Variants in PTPRQ observed in about 807,000 individuals in gnomAD.
PTPRQ encodes protein tyrosine phosphatase receptor type Q.
Under a neutral mutation model 246.0 loss-of-function variants are expected in PTPRQ, and 199 were observed. The observed-to-expected ratio is 0.81, with a 90% confidence interval of 0.72 to 0.91. The LOEUF (loss-of-function observed/expected upper bound fraction) is 0.91. Among genes scored for constraint, PTPRQ ranks in the 40% least tolerant of loss-of-function variants. The probability of loss-of-function intolerance (pLI) is 0.00; values close to 1 mark genes in which losing one functional copy is unlikely to be tolerated. For synonymous variants in PTPRQ, 869 were observed against 853.2 expected (o/e 1.02, Z -0.32); for missense variants, 2,624 against 2,528.4 (o/e 1.04, Z -0.81).
intron 39 of PTPRQ, among the ~76,000 whole-genome samples, chr12:80,659,359 C>T (rs1288895601): frequency 6.6e-6 from 1 of 151,912 alleles, no homozygotes; most frequent in Non-Finnish European, 1.5e-5. Flanking sequence ...CTTGGATTTA[C>T]AAAATGATGC....
chr12:80,548,985 C>T (rs1047634283), intron 24 of PTPRQ, among the ~76,000 whole-genome samples: 1 of 152,122 alleles, frequency 6.6e-6, no homozygotes, highest in Non-Finnish European at 1.5e-5. Flanking sequence ...TCCAAAGAAG[C>T]CATCCCGGTA....
intron 26 of PTPRQ, among the ~76,000 whole-genome samples, chr12:80,601,104 T>G (rs1898128955): frequency 6.6e-6 from 1 of 151,892 alleles, no homozygotes; most frequent in South Asian, 2.1e-4. Context: ...GACCACTATA[T>G]TTAAAATAGT....
At chr12:80,514,475 C>G (rs1299768594) in intron 17 of PTPRQ, among the ~76,000 whole-genome samples, 1 of 146,832 alleles carries the variant, frequency 6.8e-6, no homozygotes, top group Non-Finnish European at 1.5e-5. Context: ...TTACCTGGCA[C>G]ATAATTGAAA....
At chr12:80,610,684 A>G in intron 28 of PTPRQ, 59 bp downstream of exon 28, 2 of 1,517,720 alleles carry the variant, frequency 1.3e-6, no homozygotes, top group Non-Finnish European at 1.8e-6. Flanking sequence ...GCTTTCTTAC[A>G]GTTCATCATA....
intron 26 of PTPRQ, among the ~76,000 whole-genome samples, chr12:80,590,684 A>C (rs574831332): frequency 0.011 from 1,605 of 151,310 alleles, 28 homozygotes; most frequent in African/African-American, 0.037. Flanking sequence ...AAAAAAAAAA[A>C]AAAAAAACTA....
rs542446858 is a variant in PTPRQ at position 80,466,310 on chromosome 12, G to A, written c.911-2400G>A. 1.6e-4 allele frequency among the ~76,000 whole-genome samples: 24 copies of A among 152,218 alleles called. 1 individual carries two copies. The East Asian group carries it at 4.6e-3, about 29-fold the overall frequency. ...AATCCAACTTACAAGGGATGTGAAG[G>A]ACCTCTTCAAGGAGAAGTACAAACC... On this transcript the variant is annotated intron_variant, in intron 6 of 44. Transcript: ENST00000644991.
chr12:80,483,111 G>A (rs1232703805), intron 8 of PTPRQ, among the ~76,000 whole-genome samples: 3 of 124,442 alleles, frequency 2.4e-5, no homozygotes, highest in South Asian at 2.7e-4. Flanking sequence ...CAATAGCAAA[G>A]ACTTGGAACC....
At chr12:80,472,367 T>C (rs1012230757) in intron 8 of PTPRQ, 116 bp downstream of exon 8, 19 of 1,360,032 alleles carry the variant, frequency 1.4e-5, no homozygotes, top group East Asian at 1.0e-4. Context: ...TGTTATTTCC[T>C]TATTAAATTA....
chr12:80,460,903 G>C lies in PTPRQ; in HGVS notation c.910+1G>C. On this transcript the variant is annotated splice_donor_variant, in intron 6 of 44. Coordinates refer to ENST00000644991, the MANE Select transcript of PTPRQ (RefSeq NM_001145026.2). LOFTEE classifies it high-confidence loss of function. ...ACGATTGTCAGAACACCAGAATCAGGTATGGTTCACTTTTTGTAGATAAAA... is the reference window on the plus strand; with the variant it reads ...ACGATTGTCAGAACACCAGAATCAGCTATGGTTCACTTTTTGTAGATAAAA... The C allele has an allele frequency of 5.0e-6, 2 of 400,536 alleles. No individual in the cohort carries two copies. Among genetic ancestry groups the C allele is most frequent in the Non-Finnish European group, 8.8e-6 (2 of 226,166 alleles). 24.8% of individuals were successfully genotyped at this position (400,536 alleles called of 1,614,324 possible).
Position 80,678,859 on chromosome 12 carries a change from ACTTTTCTCTAATC to A in PTPRQ, c.6863-125_6863-113del, listed in dbSNP as rs74790948. 70,640 of 1,431,438 alleles carry A rather than the reference ACTTTTCTCTAATC, an allele frequency of 0.049. 3,294 individuals carry two copies. The highest frequency in any genetic ancestry group is 0.23 in the East Asian group (8,990 of 39,236). The allele number at this position is 1,431,438 out of a possible 1,614,324, so 88.7% of individuals were successfully genotyped here. A position where few individuals can be genotyped will look rare whatever the true frequency, so the allele number is the denominator to read the frequency against. ...GCACAGATCAGGTTTTTTTTCTTTA[ACTTTTCTCTAATC>A]CAAGTTGGGCTAATAATACCCTTTC... On this transcript the variant is annotated intron_variant, in intron 44 of 44. Transcript: ENST00000644991.
chr12:80,531,309 T>C (rs561455317), intron 17 of PTPRQ, among the ~76,000 whole-genome samples: 1 of 152,234 alleles, frequency 6.6e-6, no homozygotes, highest in East Asian at 1.9e-4. Flanking sequence ...ATATGCTTTT[T>C]TATAAATGAA....
intron 33 of PTPRQ, among the ~76,000 whole-genome samples, chr12:80,628,211 G>A (rs1023981724): frequency 1.3e-4 from 20 of 152,000 alleles, no homozygotes; most frequent in Admixed American, 9.2e-4. Flanking sequence ...ATAAAAAAAT[G>A]TACCTAAAAT....
At chr12:80,631,923 GTA>G (rs576076007) in intron 33 of PTPRQ, among the ~76,000 whole-genome samples, 16 of 152,148 alleles carry the variant, frequency 1.1e-4, no homozygotes, top group Non-Finnish European at 2.1e-4. Flanking sequence ...TAAAAACTAA[GTA>G]GTCATCATCA....
intron 25 of PTPRQ, among the ~76,000 whole-genome samples, chr12:80,575,429 A>G (rs1386994390): frequency 6.6e-6 from 1 of 152,060 alleles, no homozygotes; most frequent in East Asian, 1.9e-4. Flanking sequence ...GTACAAAAAA[A>G]AAAATTAGCC....
Position 80,555,320 on chromosome 12 carries a change from A to G in PTPRQ, c.4285+5586A>G, listed in dbSNP as rs566625702. ...GCAATCCTTCTGCTTCAGCCTCCCA[A>G]AGTGTTGGGATTACAGGCATGAGCC... On this transcript the variant is annotated intron_variant, in intron 25 of 44. Coordinates refer to ENST00000644991, the MANE Select transcript of PTPRQ (RefSeq NM_001145026.2). Among the ~76,000 whole-genome samples the G allele has an allele frequency of 6.8e-4, 103 of 152,194 alleles. 1 individual carries two copies. The highest frequency in any genetic ancestry group is 1.1e-3 in the Non-Finnish European group (74 of 67,998).
At chr12:80,676,510 C>T (rs1416474215) in intron 43 of PTPRQ, among the ~76,000 whole-genome samples, 3 of 152,098 alleles carry the variant, frequency 2.0e-5, no homozygotes, top group South Asian at 4.1e-4. Context: ...GGCGTGGTGG[C>T]GCGTGCCTGT....
intron 19 of PTPRQ, among the ~76,000 whole-genome samples, chr12:80,535,833 C>T (rs987477655): frequency 1.3e-5 from 2 of 152,136 alleles, no homozygotes; most frequent in Admixed American, 1.3e-4. Flanking sequence ...CACGGCCGGG[C>T]GTGGTGGCTC....
rs1020053206 is a variant in PTPRQ, at chr12:80,454,680, A to T, written c.391-2895A>T. 3 of 574,658 alleles carry T rather than the reference A, an allele frequency of 5.2e-6. No individual in the cohort carries two copies. The Middle Eastern group carries it at 1.1e-3, about 212-fold the overall frequency. 35.6% of individuals were successfully genotyped at this position (574,658 alleles called of 1,614,324 possible). On this transcript the variant is annotated intron_variant, in intron 3 of 44. Transcript: ENST00000644991. The stretch of plus-strand genomic sequence containing the variant: ...TGTTGAGGGTTTTTATCATGAAGGG[A>T]TATTGGATTTTATTAAATGCTTTTC...
intron 6 of PTPRQ, 36 bp from the exon 7 acceptor site, chr12:80,468,674 T>C: frequency 2.0e-6 from 3 of 1,478,676 alleles, no homozygotes; most frequent in Non-Finnish European, 2.7e-6. Flanking sequence ...TCATTTTAAA[T>C]ATATGTTATG....
Sources: gnomAD v4.1 joint callset for allele counts (sites outside exome capture counted in the v4.1 genomes callset) on GRCh38, gnomAD v4.1.1 for gene constraint, MANE v1.5 for transcripts, NCBI Gene and HGNC (gene_info 2026-07-23, HGNC 2026-07-21) for gene names.